FANCC: variants seen among roughly 807,000 people sequenced by gnomAD.
FANCC encodes the protein FA complementation group C.
FANCC carries 55 observed loss-of-function variants against 71.3 expected under a neutral mutation model. That is an observed-to-expected ratio of 0.77 (90% confidence interval 0.62 to 0.97). The LOEUF is 0.97. Ranked by LOEUF, FANCC falls within the 50% of genes least tolerant of loss-of-function variation. The pLI is 0.00. For missense variants in FANCC, 678 were observed against 670.9 expected (o/e 1.01, Z -0.12); for synonymous variants, 275 against 244.9 (o/e 1.12, Z -1.15).
chr9:95,110,738 C>A, intron 13 of FANCC: 3 of 1,095,292 alleles, frequency 2.7e-6, no homozygotes, highest in Non-Finnish European at 3.3e-6. Flanking sequence ...CTAAGATCAG[C>A]ATAGAGCACT....
intron 4 of FANCC, among the ~76,000 whole-genome samples, chr9:95,212,263 C>T (rs548860530): frequency 2.6e-5 from 4 of 152,118 alleles, no homozygotes; most frequent in Non-Finnish European, 4.4e-5. Flanking sequence ...AGAGGAATCT[C>T]GAAAGACTCC....
In FANCC at chr9:95,292,375, C is replaced by G. The variant is rs897704737; in HGVS notation, c.-79+25151G>C. ...GAGGCGGTGGCGGCGGCGGGGTCCA[C>G]GGCTCTGGCGGCGGGTGCCCGCGCC... On this transcript the variant is annotated intron_variant, in intron 1 of 14. Transcript: ENST00000289081. 8.8e-5 allele frequency: 90 copies of G among 1,019,710 alleles called. No individual in the cohort carries two copies. The African/African-American group carries it at 1.5e-3, about 17-fold the overall frequency. 63.2% of individuals were successfully genotyped at this position (1,019,710 alleles called of 1,614,324 possible).
intron 1 of FANCC, among the ~76,000 whole-genome samples, chr9:95,258,388 T>C (rs1831802317): frequency 6.6e-6 from 1 of 152,240 alleles, no homozygotes; most frequent in Non-Finnish European, 1.5e-5. Context: ...GTTCAACATA[T>C]GCCAGTCAAT....
chr9:95,282,275 T>C (rs781490258), intron 1 of FANCC, among the ~76,000 whole-genome samples: 47 of 152,214 alleles, frequency 3.1e-4, no homozygotes, highest in Non-Finnish European at 4.9e-4. Context: ...TCAGATAAAA[T>C]AGACTTTAAG....
At chr9:95,194,982 G>A (rs959745266) in intron 4 of FANCC, among the ~76,000 whole-genome samples, 2 of 151,800 alleles carry the variant, frequency 1.3e-5, no homozygotes, top group African/African-American at 4.8e-5. Context: ...GACAGATCAC[G>A]AGGTCAGGAG....
At chr9:95,297,340 A>G (rs1415500300) in intron 1 of FANCC, among the ~76,000 whole-genome samples, 1 of 152,236 alleles carries the variant, frequency 6.6e-6, no homozygotes, top group Non-Finnish European at 1.5e-5. Context: ...TCGTGCTTTT[A>G]TATTTTGATC....
chr9:95,307,438 G>T (rs912606413), intron 1 of FANCC, among the ~76,000 whole-genome samples: 1 of 152,118 alleles, frequency 6.6e-6, no homozygotes, highest in African/African-American at 2.4e-5. Flanking sequence ...TACTGCTCAA[G>T]AATAATAATA....
At position 95,171,160 on chromosome 9, in the gene FANCC, G is replaced by A; in HGVS notation, c.457-17C>T. Reference sequence around the variant, plus strand: ...TAAAACCATCTGTAAAACAAAATCAGTTGCAGGTTAACTCACGCTGCAAAC... The same window carrying A: ...TAAAACCATCTGTAAAACAAAATCAATTGCAGGTTAACTCACGCTGCAAAC... On this transcript the variant is annotated splice_polypyrimidine_tract_variant and intron_variant, in intron 5 of 14. Transcript: ENST00000289081. 6.2e-7 allele frequency: 1 copy of A among 1,604,826 alleles called. No homozygotes were observed. Among genetic ancestry groups the A allele is most frequent in the Non-Finnish European group, 8.5e-7 (1 of 1,171,968 alleles).
intron 1 of FANCC, among the ~76,000 whole-genome samples, chr9:95,308,577 T>C (rs1286481466): frequency 1.3e-5 from 2 of 151,248 alleles, no homozygotes; most frequent in Non-Finnish European, 3.0e-5. Flanking sequence ...GGAGCTACCT[T>C]GCCCAGCCGA....
chr9:95,251,138 G>A (rs1015786708), intron 1 of FANCC, among the ~76,000 whole-genome samples: 3 of 151,962 alleles, frequency 2.0e-5, no homozygotes, highest in Admixed American at 6.5e-5. Context: ...CTTAGTTACC[G>A]CTTCCTCTAC....
chr9:95,265,286 T>A (rs1832318423), intron 1 of FANCC, among the ~76,000 whole-genome samples: 1 of 152,220 alleles, frequency 6.6e-6, no homozygotes, highest in South Asian at 2.1e-4. Context: ...ACTCTTCAGA[T>A]GACTTTGCAA....
chr9:95,264,639 CTT>C (rs1832277651), intron 1 of FANCC, among the ~76,000 whole-genome samples: 1 of 152,086 alleles, frequency 6.6e-6, no homozygotes, highest in African/African-American at 2.4e-5. Context: ...GCATGAGGTC[CTT>C]TCTCTCATGA....
intron 7 of FANCC, among the ~76,000 whole-genome samples, chr9:95,138,322 G>A (rs547391225): frequency 5.9e-5 from 9 of 152,294 alleles, no homozygotes; most frequent in Non-Finnish European, 1.2e-4. Flanking sequence ...GCCAGACGCC[G>A]TGCCTGTGCT....
intron 13 of FANCC, chr9:95,110,557 C>G: frequency 9.7e-7 from 1 of 1,032,410 alleles, no homozygotes; most frequent in Non-Finnish European, 1.2e-6. Flanking sequence ...TAAATTATCA[C>G]CAAATTTCAA....
chr9:95,249,446 A>G, intron 1 of FANCC, 77 bp from the exon 2 acceptor site: 1 of 709,308 alleles, frequency 1.4e-6, no homozygotes, highest in East Asian at 2.7e-5. Context: ...TGATGGGTGA[A>G]GGAGGGATTA....
chr9:95,290,581 TGGG>T, intron 1 of FANCC, among the ~76,000 whole-genome samples: 1 of 151,532 alleles, frequency 6.6e-6, no homozygotes, highest in Non-Finnish European at 1.5e-5. Flanking sequence ...ACTACCAGAG[TGGG>T]TAGGTAACCA....
intron 1 of FANCC, among the ~76,000 whole-genome samples, chr9:95,276,065 T>C (rs1833020792): frequency 6.6e-6 from 1 of 152,156 alleles, no homozygotes; most frequent in African/African-American, 2.4e-5. Flanking sequence ...TTCCAGACAG[T>C]GAGAAAAGTT....
chr9:95,295,689 G>GC (rs1178654789), intron 1 of FANCC, among the ~76,000 whole-genome samples: 1 of 151,692 alleles, frequency 6.6e-6, no homozygotes, highest in African/African-American at 2.4e-5. Flanking sequence ...GATCTCTTGA[G>GC]CCCCGGAGGT....
intron 4 of FANCC, among the ~76,000 whole-genome samples, chr9:95,217,863 T>C (rs1323451719): frequency 6.6e-6 from 1 of 152,006 alleles, no homozygotes; most frequent in Non-Finnish European, 1.5e-5. Flanking sequence ...GCTCAGTTCA[T>C]GGGGGAGAAA....
Sources: allele counts gnomAD v4.1 joint callset (sites outside exome capture counted in the v4.1 genomes callset), GRCh38; gene constraint gnomAD v4.1.1; transcripts MANE v1.5; gene names NCBI Gene and HGNC (gene_info 2026-07-23, HGNC 2026-07-21).